CHM: variants seen among roughly 807,000 people sequenced by gnomAD.
CHM encodes rab proteins geranylgeranyltransferase component A 1.
A neutral mutation model predicts 49.0 loss-of-function variants in CHM; 10 were observed. The observed-to-expected ratio is 0.20, with a 90% CI of 0.13 to 0.35. CHM has a LOEUF of 0.35. Among genes scored for constraint, CHM ranks in the 10% least tolerant of loss-of-function variants. CHM has a pLI of 1.00. For synonymous variants in CHM, 184 were observed against 167.5 expected, an observed-to-expected ratio of 1.10 and a Z score of -0.76; for missense variants, 455 against 478.4, an observed-to-expected ratio of 0.95 and a Z score of 0.46.
chrX:85,928,720 T>A (rs1395163580), intron 8 of CHM, among the ~76,000 whole-genome samples: 2 of 111,523 alleles, frequency 1.8e-5, no homozygotes, highest in South Asian at 7.5e-4. Flanking sequence ...AAATGAACAG[T>A]AGGTCTTTGC....
intron 8 of CHM, among the ~76,000 whole-genome samples, chrX:85,934,180 C>T (rs891225292): frequency 1.2e-4 from 13 of 107,542 alleles, no homozygotes; most frequent in Admixed American, 4.0e-4. Context: ...CAGGGTTTCA[C>T]TGTGTTACGC....
At chrX:86,021,340 G>C (rs921424507) in intron 2 of CHM, among the ~76,000 whole-genome samples, 2 of 106,892 alleles carry the variant, frequency 1.9e-5, no homozygotes, top group Non-Finnish European at 3.9e-5. Context: ...TAGATTAGTT[G>C]ATTTAATCCC....
intron 2 of CHM, among the ~76,000 whole-genome samples, chrX:86,014,146 G>C (rs554310003): frequency 1.8e-5 from 2 of 111,964 alleles, no homozygotes; most frequent in Admixed American, 1.9e-4. Flanking sequence ...AAAAGAAAAA[G>C]ACAAGAAATG....
chrX:86,000,797 G>A (rs1932679324), intron 2 of CHM, among the ~76,000 whole-genome samples: 1 of 111,136 alleles, frequency 9.0e-6, no homozygotes, highest in African/African-American at 3.3e-5. Context: ...CTAAAACAGT[G>A]GATGTCATGG....
At position 85,911,138 on chromosome X, in the gene CHM, T is replaced by TAC. The variant is rs1310193864; in HGVS notation, c.1244+122_1244+123insGT. The stretch of plus-strand genomic sequence containing the variant: ...ATGTGTGTGTGTATATGTATATATA[T>TAC]ATATATATATATATATATATATATG... On this transcript the variant is annotated intron_variant, in intron 9 of 14. Transcript: ENST00000357749. 1.8e-3 allele frequency: 6 copies of TAC among 3,255 alleles called. 1 individual carries two copies. The East Asian group carries it at 0.067, about 36-fold the overall frequency. The allele number at this position is 3,255 out of a possible 1,213,427, so 0.3% of individuals were successfully genotyped here.
intron 12 of CHM, among the ~76,000 whole-genome samples, chrX:85,881,959 T>G (rs182707138): frequency 1.8e-5 from 2 of 112,203 alleles, no homozygotes; most frequent in East Asian, 5.6e-4. Flanking sequence ...TCAAAAAAAT[T>G]CTATTTCCAT....
intron 1 of CHM, among the ~76,000 whole-genome samples, chrX:86,037,692 C>T (rs760209815): frequency 9.0e-6 from 1 of 111,191 alleles, no homozygotes; most frequent in Non-Finnish European, 1.9e-5. Flanking sequence ...ATACAAAAAA[C>T]CCTTCCCCTT....
chrX:85,921,098 T>C (rs1927767597), intron 8 of CHM, among the ~76,000 whole-genome samples: 2 of 112,100 alleles, frequency 1.8e-5, no homozygotes, highest in Admixed American at 1.9e-4. Flanking sequence ...TTGTAATCCA[T>C]ATTTTAAAAT....
chrX:85,938,451 G>A (rs979745920), intron 8 of CHM, among the ~76,000 whole-genome samples: 1 of 109,889 alleles, frequency 9.1e-6, no homozygotes, highest in Non-Finnish European at 1.9e-5. Flanking sequence ...AAACTTTTGG[G>A]ATAGAAGCTT....
At chrX:85,895,136 G>GTTTTTTTTT in intron 11 of CHM, among the ~76,000 whole-genome samples, 1 of 82,105 alleles carries the variant, frequency 1.2e-5, no homozygotes, top group Non-Finnish European at 2.4e-5. Flanking sequence ...GTTTTTTTTT[G>GTTTTTTTTT]TTTTTTTTTT....
At chrX:85,913,344 G>GAAAA (rs1927219291) in intron 8 of CHM, among the ~76,000 whole-genome samples, 1 of 55,449 alleles carries the variant, frequency 1.8e-5, no homozygotes, top group Non-Finnish European at 4.0e-5. Context: ...AAGAAAGAAA[G>GAAAA]AAAGAAAGAA....
intron 2 of CHM, among the ~76,000 whole-genome samples, chrX:86,018,003 CACA>C (rs1345630870): frequency 9.0e-6 from 1 of 111,598 alleles, no homozygotes; most frequent in African/African-American, 3.3e-5. Context: ...TTAGAGAAAA[CACA>C]ACAAGCCACA....
At chrX:85,896,670 T>C (rs1603242745) in intron 11 of CHM, among the ~76,000 whole-genome samples, 1 of 107,605 alleles carries the variant, frequency 9.3e-6, no homozygotes. Flanking sequence ...AGGCATACTG[T>C]GGGCTGAGGG....
At chrX:86,023,678 A>G (rs766175428) in intron 2 of CHM, among the ~76,000 whole-genome samples, 1 of 111,895 alleles carries the variant, frequency 8.9e-6, no homozygotes, top group African/African-American at 3.2e-5. Context: ...TGATAGTTTA[A>G]AAACTTGATG....
chrX:86,026,291 G>A (rs1194951598), intron 2 of CHM, among the ~76,000 whole-genome samples: 3 of 105,735 alleles, frequency 2.8e-5, no homozygotes, highest in African/African-American at 1.0e-4. Context: ...GCCCAGCTAA[G>A]TTTTGTATTT....
At chrX:85,920,102 A>T (rs888052502) in intron 8 of CHM, among the ~76,000 whole-genome samples, 40 of 104,657 alleles carry the variant, frequency 3.8e-4, no homozygotes, top group Admixed American at 9.2e-4. Context: ...TTTTATTTTT[A>T]TTTTTTTTTT....
chrX:85,894,142 C>A, intron 12 of CHM, 46 bp downstream of exon 12: 1 of 966,884 alleles, frequency 1.0e-6, no homozygotes, highest in Admixed American at 2.2e-5. Context: ...CCCCCTTTAC[C>A]CCCTAAACAA....
chrX:85,968,406 G>A (rs1930690420), intron 4 of CHM, among the ~76,000 whole-genome samples: 1 of 111,790 alleles, frequency 8.9e-6, no homozygotes, highest in East Asian at 2.8e-4. Flanking sequence ...CAGGACTGTT[G>A]GTTGTCTACT....
chrX:85,981,888 C>A lies in CHM; in HGVS notation c.117-79G>T. ...TCACTGATCTTCATCAACAAACCAT[C>A]TTTAACCCTTAAACTTACTTCACTT... On this transcript the variant is annotated intron_variant, in intron 2 of 14. Coordinates refer to ENST00000357749, the MANE Select transcript of CHM (RefSeq NM_000390.4). 6.5e-6 allele frequency: 5 copies of A among 767,078 alleles called. No individual in the cohort carries two copies. In the Middle Eastern group the frequency reaches 2.1e-3, roughly 329 times the overall value. The allele number at this position is 767,078 out of a possible 1,213,427, so 63.2% of individuals were successfully genotyped here. A position where few individuals can be genotyped will look rare whatever the true frequency, so the allele number is the denominator to read the frequency against.
Sources: allele counts gnomAD v4.1 joint callset (sites outside exome capture counted in the v4.1 genomes callset), GRCh38; gene constraint gnomAD v4.1.1; transcripts MANE v1.5; gene names NCBI Gene and HGNC (gene_info 2026-07-23, HGNC 2026-07-21).